Variants in SAMSN1 observed in about 807,000 individuals in gnomAD.
SAMSN1 encodes the protein SAM domain-containing protein SAMSN-1.
In SAMSN1, 31 loss-of-function variants were observed where a neutral mutation model predicts 42.0. The ratio of observed to expected loss-of-function variants is 0.74; its 90% CI spans 0.55 to 1.00. The LOEUF is 1.00. Among genes scored for constraint, SAMSN1 ranks in the 50% least tolerant of loss-of-function variants. The probability of loss-of-function intolerance (pLI) is 0.00; values close to 1 mark genes in which losing one functional copy is unlikely to be tolerated. For missense variants in SAMSN1, 464 were observed against 439.4 expected (o/e 1.06, Z -0.50); for synonymous variants, 178 against 151.9 (o/e 1.17, Z -1.26).
At chr21:14,513,449 T>G (rs1294351316) in intron 3 of SAMSN1, among the ~76,000 whole-genome samples, 83 of 152,152 alleles carry the variant, frequency 5.5e-4, no homozygotes, top group Non-Finnish European at 7.4e-5. Flanking sequence ...ATTTTCATGG[T>G]AAACAAGATA....
intron 6 of SAMSN1, chr21:14,594,107 A>G: frequency 3.0e-6 from 2 of 665,930 alleles, no homozygotes; most frequent in Non-Finnish European, 5.5e-6. Flanking sequence ...AAATAGAGAC[A>G]ACTAATGTTA....
At chr21:14,520,745 C>G (rs563376021) in intron 2 of SAMSN1, among the ~76,000 whole-genome samples, 2 of 152,008 alleles carry the variant, frequency 1.3e-5, no homozygotes, top group Admixed American at 1.3e-4. Context: ...GGGAAGGGGA[C>G]GGAGCTATGG....
At chr21:14,503,559 T>C (rs544055930) in intron 5 of SAMSN1, among the ~76,000 whole-genome samples, 1 of 152,266 alleles carries the variant, frequency 6.6e-6, no homozygotes, top group Admixed American at 6.5e-5. Context: ...CTTGAGGTAA[T>C]GTGTTACACA....
intron 5 of SAMSN1, among the ~76,000 whole-genome samples, chr21:14,502,381 A>G (rs565449606): frequency 6.6e-6 from 1 of 152,180 alleles, no homozygotes; most frequent in African/African-American, 2.4e-5. Flanking sequence ...CATCCTTCCT[A>G]TTATCCTTGA....
intron 1 of SAMSN1, among the ~76,000 whole-genome samples, chr21:14,649,895 TATATC>T (rs2123394082): frequency 6.6e-6 from 1 of 151,988 alleles, no homozygotes; most frequent in African/African-American, 2.4e-5. Context: ...TCACTAAACT[TATATC>T]AGATAAAATA....
chr21:14,516,191 G>A (rs1987908983), intron 3 of SAMSN1, among the ~76,000 whole-genome samples: 1 of 152,128 alleles, frequency 6.6e-6, no homozygotes, highest in Admixed American at 6.5e-5. Context: ...ATCTGTAGCA[G>A]CATTATTCAT....
At chr21:14,615,587 G>C (rs2123332094) in intron 3 of SAMSN1, among the ~76,000 whole-genome samples, 1 of 152,242 alleles carries the variant, frequency 6.6e-6, no homozygotes, top group Admixed American at 6.5e-5. Context: ...TGAATGTAAA[G>C]CCAGGCCTGA....
chr21:14,657,528 C>T (rs1983936746), intron 1 of SAMSN1, among the ~76,000 whole-genome samples: 1 of 151,778 alleles, frequency 6.6e-6, no homozygotes, highest in African/African-American at 2.4e-5. Context: ...GTTATAGAAA[C>T]ATTAGCATAC....
chr21:14,626,071 GTC>G (rs1983161110), intron 2 of SAMSN1, among the ~76,000 whole-genome samples: 1 of 152,320 alleles, frequency 6.6e-6, no homozygotes, highest in African/African-American at 2.4e-5. Context: ...ATACTGGCTA[GTC>G]ATATGTAGAA....
chr21:14,577,520 CT>C (rs917022471), intron 2 of SAMSN1, among the ~76,000 whole-genome samples: 13 of 151,752 alleles, frequency 8.6e-5, no homozygotes, highest in South Asian at 4.1e-4. Context: ...GAAAGGAAGA[CT>C]TTGTCTCCTT....
At chr21:14,576,780 C>T (rs1350045031) in intron 2 of SAMSN1, among the ~76,000 whole-genome samples, 1 of 152,068 alleles carries the variant, frequency 6.6e-6, no homozygotes, top group African/African-American at 2.4e-5. Context: ...TGCTGTATAT[C>T]AACTACACTC....
chr21:14,565,072 A>G (rs1249307682), intron 2 of SAMSN1, among the ~76,000 whole-genome samples: 1 of 152,084 alleles, frequency 6.6e-6, no homozygotes, highest in Non-Finnish European at 1.5e-5. Context: ...AGGTGGGTGG[A>G]TCACTTGAGG....
intron 2 of SAMSN1, among the ~76,000 whole-genome samples, chr21:14,570,114 G>C (rs749112566): frequency 6.6e-6 from 1 of 151,956 alleles, no homozygotes; most frequent in Non-Finnish European, 1.5e-5. Flanking sequence ...TGCCCTTTGC[G>C]GGTGACTGCG....
chr21:14,507,047 T>A (rs1318110049), intron 5 of SAMSN1, among the ~76,000 whole-genome samples: 1 of 152,168 alleles, frequency 6.6e-6, no homozygotes, highest in Non-Finnish European at 1.5e-5. Context: ...TACCTCAATA[T>A]AATAAAAGCC....
chr21:14,563,817 G>A (rs147994525), intron 2 of SAMSN1, among the ~76,000 whole-genome samples: 58 of 152,312 alleles, frequency 3.8e-4, no homozygotes, highest in African/African-American at 1.3e-3. Context: ...ATACTTGGAA[G>A]GAGCTGTGAA....
intron 2 of SAMSN1, among the ~76,000 whole-genome samples, chr21:14,559,440 T>G (rs1438266969): frequency 1.3e-5 from 2 of 151,940 alleles, no homozygotes; most frequent in Non-Finnish European, 2.9e-5. Flanking sequence ...AGCTTAAGAG[T>G]CTTTTCTATG....
intron 2 of SAMSN1, among the ~76,000 whole-genome samples, chr21:14,566,861 A>G (rs1410145985): frequency 1.3e-5 from 2 of 152,008 alleles, no homozygotes; most frequent in African/African-American, 4.8e-5. Flanking sequence ...TTTTTGAGCC[A>G]TGTTAGTGTT....
At position 14,517,036 on chromosome 21, in the gene SAMSN1, A is replaced by G; in HGVS notation, c.135T>C (p.His45=). Reference sequence around the variant, plus strand: ...CACTTCCATTTGTGGGATCTCCTTCATGTGCCTAGTTTAGAATTGTTTACA... The same window carrying G: ...CACTTCCATTTGTGGGATCTCCTTCGTGTGCCTAGTTTAGAATTGTTTACA... ...LSKPDDSTEA[H]EGDPTNGSGE... Residue 45 remains histidine, a synonymous_variant, in exon 3 of 8, where the codon CAT becomes CAC. Transcript: ENST00000400566. The G allele has an allele frequency of 6.2e-7, 1 of 1,608,930 alleles. No individual in the cohort carries two copies. Among genetic ancestry groups the G allele is most frequent in the East Asian group, 2.2e-5 (1 of 44,804 alleles).
At chr21:14,600,612 C>G (rs543796819) in intron 6 of SAMSN1, among the ~76,000 whole-genome samples, 1 of 152,150 alleles carries the variant, frequency 6.6e-6, no homozygotes, top group Non-Finnish European at 1.5e-5. Context: ...ATTCAAAGAA[C>G]TTTCTATGTT....
Sources: gnomAD v4.1 joint callset for allele counts (sites outside exome capture counted in the v4.1 genomes callset) on GRCh38, gnomAD v4.1.1 for gene constraint, MANE v1.5 for transcripts, NCBI Gene and HGNC (gene_info 2026-07-23, HGNC 2026-07-21) for gene names.